Variants in PGBD1 observed in about 807,000 individuals in gnomAD.
PGBD1 encodes the protein piggyBac transposable element-derived protein 1.
In PGBD1, 25 loss-of-function variants were observed where a neutral mutation model predicts 34.7. The observed-to-expected ratio is 0.72, with a 90% CI of 0.52 to 1.00. The LOEUF (loss-of-function observed/expected upper bound fraction) is 1.00, where lower values mean the gene tolerates loss of function less well. PGBD1 is among the 50% of genes least tolerant of loss of function. The pLI, the probability that PGBD1 is intolerant of heterozygous loss-of-function variation, is 0.00. For synonymous variants in PGBD1, 292 were observed against 335.7 expected, an observed-to-expected ratio of 0.87 and a Z score of 1.42; for missense variants, 830 against 959.4, an observed-to-expected ratio of 0.87 and a Z score of 1.78.
Position 28,285,551 on chromosome 6 carries a change from G to A in PGBD1, c.397G>A (p.Ala133Thr), listed in dbSNP as rs1450047800. ...TTCAAAATAAATCTTTTGTTTCCAG[G>A]CCTCTGTCTATATTCAGGGACAGGA... ...ETGSGDTGQQ[A>T]SVYIQGQDMH... The change falls in exon 3 of 7, where the codon GCC becomes ACC. Residue 133 changes from alanine (A) to threonine (T), a missense_variant and splice_region_variant. This residue lies in a region of PGBD1 where 457 missense variants were observed against 515.4 expected (regional missense o/e 0.89). Coordinates refer to ENST00000682144, the MANE Select transcript of PGBD1 (RefSeq NM_032507.4). 8 of 1,613,246 alleles carry A rather than the reference G, an allele frequency of 5.0e-6. No individual in the cohort carries two copies. The Admixed American group carries it at 1.2e-4, about 24-fold the overall frequency.
At chr6:28,283,408 T>G (rs1561883836) in intron 1 of PGBD1, among the ~76,000 whole-genome samples, 1 of 152,226 alleles carries the variant, frequency 6.6e-6, no homozygotes, top group African/African-American at 2.4e-5. Context: ...GAATATTCAA[T>G]GAGAGTTACA....
Position 28,300,967 on chromosome 6 carries a change from T to G in PGBD1, c.1113T>G (p.Pro371=). The change falls in exon 7 of 7, where the codon CCT becomes CCG. Residue 371 remains proline, a synonymous_variant. Transcript: ENST00000682144. This position sits in a 1 kb window ranked among gnomAD's most constrained non-coding sequence, Gnocchi z 4.0. The part of the protein sequence containing the change: ...GDSDVEKDNE[P]EIQPAQKKLK... ...CAGATGTGGAAAAAGATAATGAGCC[T>G]GAGATCCAGCCTGCTCAAAAGAAGT... The G allele has an allele frequency of 6.2e-7, 1 of 1,614,144 alleles. No individual in the cohort carries two copies. The highest frequency in any genetic ancestry group is 8.5e-7 in the Non-Finnish European group (1 of 1,180,028).
At chr6:28,295,715 G>A (rs557647623) in intron 4 of PGBD1, among the ~76,000 whole-genome samples, 3 of 152,298 alleles carry the variant, frequency 2.0e-5, no homozygotes, top group African/African-American at 7.2e-5. Flanking sequence ...ACATAGTATA[G>A]TGTAAACATG....
intron 2 of PGBD1, among the ~76,000 whole-genome samples, chr6:28,284,910 A>G (rs1389496619): frequency 6.6e-6 from 1 of 152,196 alleles, no homozygotes; most frequent in South Asian, 2.1e-4. Context: ...TTACGATACT[A>G]TCATATAACC....
In PGBD1 at chr6:28,284,192, G is replaced by A; in HGVS notation, c.379G>A (p.Gly127Arg). 3 of 1,558,728 alleles carry A rather than the reference G, an allele frequency of 1.9e-6. No individual in the cohort carries two copies. Among genetic ancestry groups the A allele is most frequent in the Non-Finnish European group, 2.6e-6 (3 of 1,149,814 alleles). ...GCTGGAGAATCTAGAGACAGGAAGT[G>A]GAGACACAGGACAACAGGTGGGAAG... ...TVLENLETGS[G>R]DTGQQASVYI... Residue 127 changes from glycine to arginine, a missense_variant, in exon 2 of 7, where the codon GGA becomes AGA. By Grantham distance (125) the Gly-to-Arg change is moderately radical. Coordinates refer to ENST00000682144, the MANE Select transcript of PGBD1 (RefSeq NM_032507.4).
intron 1 of PGBD1, among the ~76,000 whole-genome samples, chr6:28,282,658 T>C (rs1173647485): frequency 1.3e-5 from 2 of 152,206 alleles, no homozygotes; most frequent in African/African-American, 4.8e-5. Flanking sequence ...GCGTGGAAGA[T>C]GATGGTGATG....
intron 1 of PGBD1, among the ~76,000 whole-genome samples, chr6:28,282,700 CA>C (rs577046267): frequency 2.6e-5 from 4 of 152,124 alleles, no homozygotes; most frequent in Non-Finnish European, 5.9e-5. Flanking sequence ...CGAGTGAACG[CA>C]GCTTTGAGGG....
chr6:28,288,996 TTAAAA>T (rs1434197424), intron 4 of PGBD1, among the ~76,000 whole-genome samples: 1 of 151,526 alleles, frequency 6.6e-6, no homozygotes, highest in East Asian at 1.9e-4. Flanking sequence ...CTCAAAAAAA[TTAAAA>T]TAAAATAAAT....
chr6:28,287,553 T>A (rs1032842060), intron 4 of PGBD1, among the ~76,000 whole-genome samples: 1 of 152,202 alleles, frequency 6.6e-6, no homozygotes, highest in Admixed American at 6.5e-5. Flanking sequence ...CTACTTTATA[T>A]TCAGCATGTA....
At chr6:28,287,218 C>T (rs982526680) in intron 4 of PGBD1, 50 bp downstream of exon 4, 1 of 1,457,322 alleles carries the variant, frequency 6.9e-7, no homozygotes, top group Non-Finnish European at 9.6e-7. Flanking sequence ...GTCTTTCTCC[C>T]TCATTCCATG....
chr6:28,302,278 A>G lies in PGBD1; in HGVS notation c.2424A>G (p.Ser808=), dbSNP rs1198259557. ...ACTTGGAACACAATGCTCATCTGTC[A>G]GATTAGGGTACATAAAATGGACATA... ...HFYLEHNAHL[S]D is the part of the protein sequence containing the mutation. The change falls in exon 7 of 7, where the codon TCA becomes TCG. Residue 808 remains serine, a synonymous_variant. Transcript: ENST00000682144. 1 of 1,607,008 alleles carries G rather than the reference A, an allele frequency of 6.2e-7. No homozygotes were observed. The highest frequency in any genetic ancestry group is 2.2e-5 in the East Asian group (1 of 44,734).
In PGBD1 at chr6:28,283,981, C is replaced by T. The variant is rs370251891; in HGVS notation, c.168C>T (p.His56=). Residue 56 remains histidine (H), a synonymous_variant, in exon 2 of 7, where the codon CAC becomes CAT. Transcript: ENST00000682144. ...RFRHFCYQEA[H]GPQEALAQLR... ...GGCACTTCTGCTACCAGGAGGCTCA[C>T]GGACCCCAGGAAGCTCTGGCCCAAC... is the stretch of plus-strand genomic sequence containing the variant. The T allele has an allele frequency of 1.3e-5, 21 of 1,614,062 alleles. No individual in the cohort carries two copies. The Admixed American group carries it at 1.8e-4, about 14-fold the overall frequency.
intron 4 of PGBD1, 110 bp from the exon 5 acceptor site, chr6:28,296,706 C>T: frequency 1.6e-6 from 2 of 1,251,688 alleles, no homozygotes; most frequent in Non-Finnish European, 2.2e-6. Flanking sequence ...TTACAAAATG[C>T]CCTGAGGGGC....
intron 6 of PGBD1, among the ~76,000 whole-genome samples, chr6:28,298,620 G>A (rs925360885): frequency 2.0e-4 from 30 of 152,046 alleles, no homozygotes; most frequent in African/African-American, 6.8e-4. Context: ...ATTTTCAACC[G>A]CCATTGGGAG....
At chr6:28,289,886 A>G (rs1021808575) in intron 4 of PGBD1, among the ~76,000 whole-genome samples, 2 of 152,244 alleles carry the variant, frequency 1.3e-5, no homozygotes, top group African/African-American at 2.4e-5. Flanking sequence ...ATTAAAGCAT[A>G]TAATTTTTTT....
At chr6:28,295,868 A>T (rs1762613009) in intron 4 of PGBD1, among the ~76,000 whole-genome samples, 1 of 152,196 alleles carries the variant, frequency 6.6e-6, no homozygotes, top group Admixed American at 6.5e-5. Context: ...GCCTTTTATT[A>T]TCAAAATAAT....
Position 28,300,002 on chromosome 6 carries a change from A to G in PGBD1, c.870-722A>G, listed in dbSNP as rs1368848441. 6.7e-6 allele frequency among the ~76,000 whole-genome samples: 1 copy of G among 149,006 alleles called. No individual in the cohort carries two copies. Among genetic ancestry groups the G allele is most frequent in the Non-Finnish European group, 1.5e-5 (1 of 67,136 alleles). ...GGTGACAGAGCTAGACTCTGTCTCA[A>G]AAAAAAAAAAAAACAAAACAAAACT... On this transcript the variant is annotated intron_variant, in intron 6 of 6. Transcript: ENST00000682144. The surrounding 1 kb of genome is among the most constrained non-coding windows in gnomAD (Gnocchi z 4.0).
chr6:28,293,182 G>C (rs760837958), intron 4 of PGBD1, among the ~76,000 whole-genome samples: 9 of 152,024 alleles, frequency 5.9e-5, no homozygotes, highest in African/African-American at 1.9e-4. Flanking sequence ...ACCTAGTGAT[G>C]TGCCCACCTT....
intron 6 of PGBD1, among the ~76,000 whole-genome samples, chr6:28,299,216 C>A (rs1287525227): frequency 1.3e-5 from 2 of 151,962 alleles, no homozygotes; most frequent in Non-Finnish European, 2.9e-5. Context: ...ATTCATAGTG[C>A]CTATAATAAA....
Sources: gnomAD v4.1 joint callset for allele counts (sites outside exome capture counted in the v4.1 genomes callset) on GRCh38, gnomAD v4.1.1 for gene constraint, gnomAD v4.1.1 regional missense constraint, Gnocchi (gnomAD v3.1) non-coding constraint, MANE v1.5 for transcripts, NCBI Gene and HGNC (gene_info 2026-07-23, HGNC 2026-07-21) for gene names.